The following RIMBP2 variants were observed in gnomAD, a reference collection of about 807,000 sequenced individuals.
RIMBP2 encodes RIMS-binding protein 2.
A neutral mutation model predicts 118.6 loss-of-function variants in RIMBP2; 48 were observed. That is an observed-to-expected ratio of 0.40 (90% CI 0.32 to 0.51). RIMBP2 has a LOEUF of 0.51. RIMBP2 is among the 20% of genes least tolerant of loss of function. The pLI is 0.41. For synonymous variants in RIMBP2, 762 were observed against 742.9 expected, an observed-to-expected ratio of 1.03 and a Z score of -0.42; for missense variants, 1,551 against 1,768.3, an observed-to-expected ratio of 0.88 and a Z score of 2.20.
At chr12:130,460,486 C>G (rs1345405560) in intron 6 of RIMBP2, among the ~76,000 whole-genome samples, 1 of 152,094 alleles carries the variant, frequency 6.6e-6, no homozygotes. Flanking sequence ...GTAGGAATAG[C>G]ATTGGTATGA....
intron 2 of RIMBP2, among the ~76,000 whole-genome samples, chr12:130,566,645 G>T (rs1013777755): frequency 1.2e-4 from 18 of 152,232 alleles, no homozygotes; most frequent in African/African-American, 4.1e-4. Flanking sequence ...ACCAGCTTCA[G>T]CTGAGCCTCC....
intron 1 of RIMBP2, among the ~76,000 whole-genome samples, chr12:130,698,773 T>C (rs1157868877): frequency 3.3e-5 from 5 of 152,068 alleles, no homozygotes; most frequent in Non-Finnish European, 5.9e-5. Context: ...CAAAAGAAAC[T>C]ACCATCAGAG....
intron 2 of RIMBP2, among the ~76,000 whole-genome samples, chr12:130,599,454 A>G (rs909268936): frequency 5.1e-4 from 77 of 152,252 alleles, no homozygotes; most frequent in African/African-American, 1.9e-3. Context: ...GGGCAAAATG[A>G]TTTGAAAAAC....
chr12:130,489,779 G>A (rs1340292691), intron 4 of RIMBP2, among the ~76,000 whole-genome samples: 1 of 152,124 alleles, frequency 6.6e-6, no homozygotes, highest in African/African-American at 2.4e-5. Flanking sequence ...TTTGACTGAA[G>A]TCTGACCGGT....
chr12:130,436,784 C>T (rs1024125332), intron 13 of RIMBP2, 58 bp downstream of exon 13: 18 of 1,311,694 alleles, frequency 1.4e-5, no homozygotes, highest in Non-Finnish European at 1.7e-5. Context: ...GATTACAGGG[C>T]CCCGTCCCGT....
Position 130,575,123 on chromosome 12 carries a change from C to A in RIMBP2, c.-217+53199G>T, listed in dbSNP as rs184018910. Among the ~76,000 whole-genome samples the A allele has an allele frequency of 4.5e-3, 105 of 23,420 alleles. 3 individuals carry two copies. Among genetic ancestry groups the A allele is most frequent in the East Asian group, 0.039 (16 of 412 alleles). 15.4% of individuals were successfully genotyped at this position (23,420 alleles called of 152,430 possible). On this transcript the variant is annotated intron_variant, in intron 2 of 22. Coordinates refer to ENST00000690449, the MANE Select transcript of RIMBP2 (RefSeq NM_001393629.1). The stretch of plus-strand genomic sequence containing the variant: ...AAGTCCTCCAGAATCACACCCCCCA[C>A]CCCCACCCCCAGACGCCCTGTGCCA...
At chr12:130,701,568 A>G (rs2065855510) in intron 1 of RIMBP2, among the ~76,000 whole-genome samples, 1 of 152,068 alleles carries the variant, frequency 6.6e-6, no homozygotes. Flanking sequence ...ATGGGGTGAA[A>G]AGTACCTTGC....
At chr12:130,596,384 C>A (rs2059562017) in intron 2 of RIMBP2, among the ~76,000 whole-genome samples, 1 of 152,060 alleles carries the variant, frequency 6.6e-6, no homozygotes, top group Non-Finnish European at 1.5e-5. Flanking sequence ...CCACCCCCAC[C>A]TTCCCATTTC....
At chr12:130,503,620 G>A (rs1270131078) in intron 4 of RIMBP2, among the ~76,000 whole-genome samples, 2 of 152,194 alleles carry the variant, frequency 1.3e-5, no homozygotes, top group African/African-American at 4.8e-5. Flanking sequence ...CATTTCTTCT[G>A]TATTTTTCTG....
chr12:130,514,320 G>C (rs768303009), intron 3 of RIMBP2, among the ~76,000 whole-genome samples: 40 of 152,234 alleles, frequency 2.6e-4, no homozygotes, highest in Non-Finnish European at 5.1e-4. Context: ...GACAGCAGGG[G>C]GAGAAATTCA....
At position 130,422,309 on chromosome 12, in the gene RIMBP2, T is replaced by C. The variant is rs2076466209; in HGVS notation, c.3238+144A>G. 1.8e-6 allele frequency: 1 copy of C among 559,814 alleles called. No homozygotes were observed. The highest frequency in any genetic ancestry group is 1.9e-5 in the African/African-American group (1 of 53,622). The allele number at this position is 559,814 out of a possible 1,614,324, so 34.7% of individuals were successfully genotyped here. On this transcript the variant is annotated intron_variant, in intron 17 of 22. Coordinates refer to ENST00000690449, the MANE Select transcript of RIMBP2 (RefSeq NM_001393629.1). This position sits in a 1 kb window ranked among gnomAD's most constrained non-coding sequence, Gnocchi z 5.2. ...AATAGCTTTCATTTATCTTGTGCTG[T>C]TCCTGCCTTCTTTTTGCCATGAATA... is the stretch of plus-strand genomic sequence containing the variant.
intron 1 of RIMBP2, among the ~76,000 whole-genome samples, chr12:130,708,192 A>G (rs1949638428): frequency 6.6e-6 from 1 of 152,200 alleles, no homozygotes; most frequent in Non-Finnish European, 1.5e-5. Context: ...CGGGACATCT[A>G]TAGAGACAGC....
chr12:130,456,519 C>A lies in RIMBP2; in HGVS notation c.335G>T (p.Gly112Val). ...PSKPFPQFMN[G>V]LATSLGKGQE... is the part of the protein sequence containing the mutation. Reference sequence around the variant, plus strand: ...ACCTTTGCCGAGGGAGGTGGCTAGGCCATTCATGAACTGTGGGAAAGGCTT... The same window carrying A: ...ACCTTTGCCGAGGGAGGTGGCTAGGACATTCATGAACTGTGGGAAAGGCTT... The change falls in exon 7 of 23, where the codon GGC (glycine) becomes GTC (valine). Residue 112 changes from glycine to valine, a missense_variant. Physicochemically the swap from Gly to Val is moderately radical, Grantham distance 109 (BLOSUM62 -3). Coordinates refer to ENST00000690449, the MANE Select transcript of RIMBP2 (RefSeq NM_001393629.1). 1 of 1,598,724 alleles carries A rather than the reference C, an allele frequency of 6.3e-7. No individual in the cohort carries two copies. The highest frequency in any genetic ancestry group is 8.6e-7 in the Non-Finnish European group (1 of 1,168,534).
At chr12:130,407,945 A>G in intron 19 of RIMBP2, 116 bp from the exon 20 acceptor site, 1 of 863,568 alleles carries the variant, frequency 1.2e-6, no homozygotes, top group Non-Finnish European at 1.9e-6. Context: ...CACTGCTAAC[A>G]GGGCCACGTG....
chr12:130,437,380 C>G, intron 12 of RIMBP2, 89 bp from the exon 13 acceptor site: 1 of 1,103,948 alleles, frequency 9.1e-7, no homozygotes. Flanking sequence ...TGCCCAGAGG[C>G]CAGGTGCAAA....
intron 1 of RIMBP2, among the ~76,000 whole-genome samples, chr12:130,654,310 T>TA (rs1445620709): frequency 1.3e-5 from 2 of 152,236 alleles, no homozygotes; most frequent in Non-Finnish European, 2.9e-5. Flanking sequence ...TTCCACCAGA[T>TA]ACCCTAGGTT....
chr12:130,544,500 A>T (rs143101706), intron 2 of RIMBP2, among the ~76,000 whole-genome samples: 191 of 151,418 alleles, frequency 1.3e-3, no homozygotes, highest in African/African-American at 4.4e-3. Context: ...CACTCCTTTT[A>T]GCATCTTAGC....
In RIMBP2 at chr12:130,695,298, G is replaced by T. The variant is rs534545568; in HGVS notation, c.-352+20924C>A. On this transcript the variant is annotated intron_variant, in intron 1 of 22. Transcript: ENST00000690449. ...CATCAGCTCCCACGCGAGCCAGGAG[G>T]ACCACGTGGCCTCAGTCTCCCATCT... is the stretch of plus-strand genomic sequence containing the variant. 2.0e-5 allele frequency among the ~76,000 whole-genome samples: 3 copies of T among 152,192 alleles called. No individual in the cohort carries two copies. The East Asian group carries it at 5.8e-4, about 30-fold the overall frequency.
At chr12:130,503,976 A>AT (rs1157526624) in intron 4 of RIMBP2, among the ~76,000 whole-genome samples, 3 of 152,300 alleles carry the variant, frequency 2.0e-5, no homozygotes, top group East Asian at 3.9e-4. Context: ...ATCAATTATC[A>AT]TTTTTTAAGT....
Sources: allele counts gnomAD v4.1 joint callset (sites outside exome capture counted in the v4.1 genomes callset), GRCh38; gene constraint gnomAD v4.1.1; non-coding constraint Gnocchi (gnomAD v3.1); transcripts MANE v1.5; gene names NCBI Gene and HGNC (gene_info 2026-07-23, HGNC 2026-07-21).